Variants in M1AP observed in about 807,000 individuals in gnomAD.
The protein encoded by M1AP is meiosis 1 arrest protein.
Under a neutral mutation model 51.2 loss-of-function variants are expected in M1AP, and 39 were observed. That is an observed-to-expected ratio of 0.76 (90% CI 0.59 to 1.00). M1AP has a LOEUF of 1.00. M1AP is among the 50% of genes least tolerant of loss of function. The pLI, the probability that M1AP is intolerant of heterozygous loss-of-function variation, is 0.00. For missense variants in M1AP, 545 were observed against 641.2 expected, an observed-to-expected ratio of 0.85 and a Z score of 1.62; for synonymous variants, 251 against 249.2, an observed-to-expected ratio of 1.01 and a Z score of -0.07.
At chr2:74,612,989 C>G (rs963351582) in intron 3 of M1AP, among the ~76,000 whole-genome samples, 5 of 148,584 alleles carry the variant, frequency 3.4e-5, no homozygotes, top group African/African-American at 1.3e-4. Context: ...TTTTTTTTCT[C>G]TTTGCTTTTT....
Position 74,560,122 on chromosome 2 carries a change from G to A in M1AP, c.1422+29C>T, listed in dbSNP as rs774008124. On this transcript the variant is annotated intron_variant, in intron 9 of 10. Coordinates refer to ENST00000421985, the MANE Select transcript of M1AP (RefSeq NM_001321739.2). ...CATGAAGGGGAGGGAGGGGAAGTAA[G>A]GAAGAGGAGGGAAGGAGGGGAGCGG... 1.9e-6 allele frequency: 3 copies of A among 1,610,796 alleles called. No individual in the cohort carries two copies. The African/African-American group carries it at 4.0e-5, about 22-fold the overall frequency.
intron 4 of M1AP, among the ~76,000 whole-genome samples, chr2:74,597,727 G>A (rs1558669410): frequency 6.6e-6 from 1 of 152,204 alleles, no homozygotes; most frequent in Non-Finnish European, 1.5e-5. Context: ...GCATCATTAG[G>A]TTGATTTGTA....
chr2:74,582,861 A>C (rs985710885), intron 4 of M1AP, among the ~76,000 whole-genome samples: 2 of 152,086 alleles, frequency 1.3e-5, no homozygotes, highest in Admixed American at 6.5e-5. Flanking sequence ...TCTCTACTAA[A>C]AATATAAAAA....
At position 74,587,954 on chromosome 2, in the gene M1AP, G is replaced by A. The variant is rs1384977692; in HGVS notation, c.596-6107C>T. 3.0e-5 allele frequency among the ~76,000 whole-genome samples: 4 copies of A among 133,172 alleles called. No individual in the cohort carries two copies. In the South Asian group the frequency reaches 9.2e-4, roughly 31 times the overall value. 87.4% of individuals were successfully genotyped at this position (133,172 alleles called of 152,430 possible). On this transcript the variant is annotated intron_variant, in intron 4 of 10. Transcript: ENST00000421985. The stretch of plus-strand genomic sequence containing the variant: ...CTCTCAGAAGAAACCTTAAAATAGG[G>A]TTATAAAATTAAAGTGTGTTTAAAA...
intron 1 of M1AP, among the ~76,000 whole-genome samples, chr2:74,643,077 T>C (rs1000518000): frequency 6.6e-5 from 10 of 152,118 alleles, no homozygotes; most frequent in African/African-American, 9.7e-5. Flanking sequence ...CTAATTATAA[T>C]AATTTATCTA....
chr2:74,622,604 G>A (rs1358909738), intron 2 of M1AP, among the ~76,000 whole-genome samples: 1 of 130,788 alleles, frequency 7.6e-6, no homozygotes, highest in Non-Finnish European at 1.6e-5. Flanking sequence ...TGTATTATAT[G>A]TGTGGCTCAC....
intron 2 of M1AP, among the ~76,000 whole-genome samples, chr2:74,616,882 A>G (rs1157537087): frequency 1.8e-4 from 27 of 152,254 alleles, no homozygotes; most frequent in Admixed American, 1.6e-3. Context: ...AATAAATAAA[A>G]TAATTACTGA....
intron 4 of M1AP, among the ~76,000 whole-genome samples, chr2:74,591,460 A>G (rs1484131956): frequency 6.6e-6 from 1 of 152,232 alleles, no homozygotes; most frequent in Non-Finnish European, 1.5e-5. Context: ...AAAGCATTTA[A>G]TGTAAATTGC....
chr2:74,625,839 G>A (rs1682349649), intron 2 of M1AP, among the ~76,000 whole-genome samples: 1 of 152,174 alleles, frequency 6.6e-6, no homozygotes, highest in Non-Finnish European at 1.5e-5. Flanking sequence ...CTGTACTAAT[G>A]CCTAATTCCC....
intron 5 of M1AP, 141 bp downstream of exon 5, chr2:74,581,533 C>T (rs1295873419): frequency 4.0e-6 from 3 of 754,164 alleles, no homozygotes; most frequent in East Asian, 5.0e-5. Context: ...ATTCCTCACG[C>T]TTATATTGGA....
At chr2:74,647,283 G>A (rs1683665986) in intron 1 of M1AP, 3 of 985,198 alleles carry the variant, frequency 3.0e-6, no homozygotes, top group South Asian at 4.7e-5. Context: ...ACCTCTCACA[G>A]ATCGGCTTCT....
chr2:74,613,790 T>C (rs570395136), intron 3 of M1AP, among the ~76,000 whole-genome samples: 3 of 152,316 alleles, frequency 2.0e-5, no homozygotes, highest in South Asian at 4.1e-4. Flanking sequence ...TTTCCCCCGA[T>C]GTTTACAAGA....
intron 1 of M1AP, among the ~76,000 whole-genome samples, chr2:74,645,538 C>G (rs1683557623): frequency 6.6e-6 from 1 of 152,190 alleles, no homozygotes; most frequent in Non-Finnish European, 1.5e-5. Context: ...ACATGCCCAC[C>G]AGTGTGCCCT....
chr2:74,590,727 T>A (rs1371225632), intron 4 of M1AP, among the ~76,000 whole-genome samples: 1 of 152,078 alleles, frequency 6.6e-6, no homozygotes, highest in African/African-American at 2.4e-5. Context: ...GGATTGCCAA[T>A]CCCACTTTGA....
intron 4 of M1AP, among the ~76,000 whole-genome samples, chr2:74,603,881 A>G (rs3025975): frequency 2.5e-3 from 386 of 152,300 alleles, no homozygotes; most frequent in African/African-American, 9.0e-3. Context: ...GAGTGAAGTC[A>G]TCTGCACGCG....
chr2:74,640,182 G>C lies in M1AP; in HGVS notation c.94C>G (p.Pro32Ala), dbSNP rs1038453936. ...TTGGTGCAGATGTCAGCCCAGGACGGTAGAGCAATGTGCACAATGAGAAGC... is the reference window on the plus strand; with the variant it reads ...TTGGTGCAGATGTCAGCCCAGGACGCTAGAGCAATGTGCACAATGAGAAGC... ...PRLLIVHIAL[P>A]SWADICTNLC... The change falls in exon 2 of 11, where the codon CCG (proline) becomes GCG (alanine). Residue 32 changes from proline (P) to alanine (A), a missense_variant. Physicochemically the swap from Pro to Ala is conservative, Grantham distance 27. Coordinates refer to ENST00000421985, the MANE Select transcript of M1AP (RefSeq NM_001321739.2). The C allele has an allele frequency of 1.9e-6, 3 of 1,614,052 alleles. No individual in the cohort carries two copies. The African/African-American group carries it at 4.0e-5, about 22-fold the overall frequency.
intron 2 of M1AP, among the ~76,000 whole-genome samples, chr2:74,616,924 A>G (rs1681700949): frequency 1.3e-5 from 2 of 152,220 alleles, no homozygotes; most frequent in Admixed American, 1.3e-4. Flanking sequence ...ATCAATTTTT[A>G]TTCCTATTTT....
At chr2:74,607,593 C>A (rs1009907231) in intron 3 of M1AP, among the ~76,000 whole-genome samples, 19 of 152,188 alleles carry the variant, frequency 1.2e-4, no homozygotes, top group African/African-American at 4.6e-4. Context: ...CCTGCCTCAG[C>A]CTCCTGGATA....
At chr2:74,614,821 T>C (rs1681570646) in intron 3 of M1AP, 143 bp downstream of exon 3, 2 of 669,216 alleles carry the variant, frequency 3.0e-6, no homozygotes, top group East Asian at 5.4e-5. Flanking sequence ...ACATGTCCTC[T>C]GCCTGTAGGG....
Sources: allele counts gnomAD v4.1 joint callset (sites outside exome capture counted in the v4.1 genomes callset), GRCh38; gene constraint gnomAD v4.1.1; transcripts MANE v1.5; gene names NCBI Gene and HGNC (gene_info 2026-07-23, HGNC 2026-07-21).